TDRD12: variants seen among roughly 807,000 people sequenced by gnomAD.
The protein encoded by TDRD12 is putative ATP-dependent RNA helicase TDRD12.
A neutral mutation model predicts 133.5 loss-of-function variants in TDRD12; 158 were observed. The observed-to-expected ratio is 1.18, with a 90% CI of 1.04 to 1.35. The LOEUF (loss-of-function observed/expected upper bound fraction) is 1.35, where lower values mean the gene tolerates loss of function less well. TDRD12 is among the 40% of genes most tolerant of loss of function. The pLI, the probability that TDRD12 is intolerant of heterozygous loss-of-function variation, is 0.00. For synonymous variants in TDRD12, 460 were observed against 477.9 expected (o/e 0.96, Z 0.49); for missense variants, 1,443 against 1,321.3 (o/e 1.09, Z -1.43).
chr19:32,738,783 A>G, intron 2 of TDRD12, 73 bp from the exon 3 acceptor site: 1 of 1,486,926 alleles, frequency 6.7e-7, no homozygotes, highest in East Asian at 2.5e-5. Context: ...ACTGCACTCC[A>G]GCCTGGGCAA....
chr19:32,721,441 A>G (rs1968660250), intron 1 of TDRD12, among the ~76,000 whole-genome samples: 1 of 152,040 alleles, frequency 6.6e-6, no homozygotes, highest in South Asian at 2.1e-4. Context: ...GCTGGAGTGC[A>G]GTGGTGTGAC....
intron 19 of TDRD12, 30 bp from the exon 20 acceptor site, chr19:32,802,626 G>A (rs555115264): frequency 4.5e-5 from 69 of 1,533,386 alleles, no homozygotes; most frequent in Non-Finnish European, 5.3e-5. Flanking sequence ...ACTCCAGCGC[G>A]TGTGACATTG....
chr19:32,801,898 AT>A, intron 19 of TDRD12, 25 bp downstream of exon 19: 1 of 909,872 alleles, frequency 1.1e-6, no homozygotes, highest in Non-Finnish European at 1.6e-6. Context: ...TTCTACTTCT[AT>A]TTAGTGAAGG....
chr19:32,737,795 C>T (rs1234900925), intron 2 of TDRD12, among the ~76,000 whole-genome samples: 2 of 152,170 alleles, frequency 1.3e-5, no homozygotes, highest in East Asian at 3.9e-4. Flanking sequence ...AAGGAGCCAG[C>T]GTCCAGTTAT....
intron 3 of TDRD12, among the ~76,000 whole-genome samples, chr19:32,740,073 C>A (rs1215693917): frequency 8.5e-6 from 1 of 117,468 alleles, no homozygotes; most frequent in Non-Finnish European, 1.7e-5. Flanking sequence ...TCTGCATCTC[C>A]TGGGTGCTCT....
intron 4 of TDRD12, among the ~76,000 whole-genome samples, chr19:32,747,376 T>C (rs1408363023): frequency 1.3e-5 from 2 of 152,252 alleles, no homozygotes; most frequent in South Asian, 2.1e-4. Context: ...ATCTTTCTTA[T>C]AAGAATAAAA....
chr19:32,772,932 A>T (rs1568469533), intron 9 of TDRD12, 82 bp downstream of exon 9: 1 of 713,862 alleles, frequency 1.4e-6, no homozygotes, highest in East Asian at 3.4e-5. Context: ...TCTATCTGAA[A>T]CCAAAAATAT....
chr19:32,811,467 T>G, intron 24 of TDRD12, 47 bp downstream of exon 24: 1 of 1,471,472 alleles, frequency 6.8e-7, no homozygotes, highest in South Asian at 1.2e-5. Context: ...TAGAATATAT[T>G]TAACCGAGAA....
At chr19:32,813,887 T>G (rs561665961) in intron 25 of TDRD12, 111 bp downstream of exon 25, 6 of 666,312 alleles carry the variant, frequency 9.0e-6, no homozygotes, top group African/African-American at 1.8e-5. Context: ...CGGTGACTTA[T>G]TTGGGGATTT....
At chr19:32,744,807 G>T (rs1394988191) in intron 4 of TDRD12, among the ~76,000 whole-genome samples, 1 of 152,072 alleles carries the variant, frequency 6.6e-6, no homozygotes, top group Non-Finnish European at 1.5e-5. Context: ...TCCCTTCCCG[G>T]GACGATGGCA....
chr19:32,783,578 G>A (rs997588641), intron 11 of TDRD12, among the ~76,000 whole-genome samples: 9 of 150,886 alleles, frequency 6.0e-5, no homozygotes, highest in South Asian at 2.1e-4. Flanking sequence ...TCACGATATC[G>A]ATTCTTCTGA....
intron 6 of TDRD12, among the ~76,000 whole-genome samples, chr19:32,751,280 A>G (rs537398890): frequency 1.7e-3 from 257 of 152,074 alleles, no homozygotes; most frequent in Non-Finnish European, 2.4e-3. Context: ...AAAGGACACA[A>G]TCTTGTTCCT....
intron 15 of TDRD12, 86 bp downstream of exon 15, chr19:32,797,977 C>G (rs893520723): frequency 3.3e-6 from 2 of 600,876 alleles, no homozygotes; most frequent in Admixed American, 3.0e-5. Flanking sequence ...CTGGCTGGGC[C>G]TGGGTCCACA....
chr19:32,778,780 G>A (rs540114570), intron 11 of TDRD12, among the ~76,000 whole-genome samples: 32 of 152,206 alleles, frequency 2.1e-4, no homozygotes, highest in Non-Finnish European at 4.7e-4. Context: ...GATTACAGGA[G>A]TGAGCCACTG....
At chr19:32,770,928 G>A (rs544200533) in intron 8 of TDRD12, among the ~76,000 whole-genome samples, 104 of 152,210 alleles carry the variant, frequency 6.8e-4, no homozygotes, top group African/African-American at 2.3e-3. Flanking sequence ...TATATACTTC[G>A]TAGTTCTTTA....
At chr19:32,730,791 G>GA (rs1183407029) in intron 1 of TDRD12, among the ~76,000 whole-genome samples, 3 of 152,102 alleles carry the variant, frequency 2.0e-5, no homozygotes, top group African/African-American at 7.2e-5. Flanking sequence ...TGAGATGGGC[G>GA]AATCACCTGA....
chr19:32,816,372 G>A (rs1018840298), intron 26 of TDRD12, among the ~76,000 whole-genome samples: 2 of 152,128 alleles, frequency 1.3e-5, no homozygotes, highest in African/African-American at 4.8e-5. Context: ...AGCAGGGATG[G>A]TTTTCCCCAG....
chr19:32,734,310 C>T (rs1969156039), intron 2 of TDRD12, among the ~76,000 whole-genome samples: 1 of 151,960 alleles, frequency 6.6e-6, no homozygotes, highest in African/African-American at 2.4e-5. Flanking sequence ...GCCTAGTTAT[C>T]ACATTTTTGG....
chr19:32,798,441 C>A lies in TDRD12; in HGVS notation c.1758+6C>A. On this transcript the variant is annotated splice_donor_region_variant and intron_variant, in intron 16 of 27. Transcript: ENST00000444215. ...TCTTGGAAGCCAATGAACAGGTGAG[C>A]GTGGCTTAAGGTCCTCAGCACTCAG... 6.5e-7 allele frequency: 1 copy of A among 1,531,100 alleles called. No individual in the cohort carries two copies. Among genetic ancestry groups the A allele is most frequent in the Non-Finnish European group, 8.8e-7 (1 of 1,142,854 alleles). The allele number at this position is 1,531,100 out of a possible 1,614,324, so 94.8% of individuals were successfully genotyped here.
Sources: allele counts gnomAD v4.1 joint callset (sites outside exome capture counted in the v4.1 genomes callset), GRCh38; gene constraint gnomAD v4.1.1; transcripts MANE v1.5; gene names NCBI Gene and HGNC (gene_info 2026-07-23, HGNC 2026-07-21).